The following HYCC2 variants were observed in gnomAD, a reference collection of about 807,000 sequenced individuals.
HYCC2 encodes hyccin PI4KA lipid kinase complex subunit 2.
chr2:201,015,084 A>G, the HYCC2 span, among the ~76,000 whole-genome samples: 1 of 152,168 alleles, frequency 6.6e-6, no homozygotes, highest in Admixed American at 6.6e-5. Flanking sequence ...AAAATTCACG[A>G]TTCTTTATTG....
the HYCC2 span, chr2:200,981,272 A>G: frequency 6.2e-7 from 1 of 1,612,184 alleles, no homozygotes; most frequent in Non-Finnish European, 8.5e-7. This position sits in a 1 kb window ranked among gnomAD's most constrained non-coding sequence, Gnocchi z 4.5. Context: ...TGTCAAAACT[A>G]CACCTGGGAT....
the HYCC2 span, among the ~76,000 whole-genome samples, chr2:200,986,652 A>G: frequency 6.6e-6 from 1 of 152,204 alleles, no homozygotes; most frequent in Non-Finnish European, 1.5e-5. Context: ...AGGATATCTG[A>G]CCTCTAAATA....
At chr2:201,056,205 TA>T in the HYCC2 span, among the ~76,000 whole-genome samples, 2 of 150,966 alleles carry the variant, frequency 1.3e-5, no homozygotes, top group Admixed American at 1.3e-4. Context: ...AAAAAAAAAA[TA>T]AATAAAATAA....
At chr2:201,028,937 T>G in the HYCC2 span, among the ~76,000 whole-genome samples, 47 of 151,934 alleles carry the variant, frequency 3.1e-4, no homozygotes, top group African/African-American at 1.1e-3. Flanking sequence ...CCAGGCAACA[T>G]AAGCCAAAAT....
At chr2:201,033,864 C>T in the HYCC2 span, among the ~76,000 whole-genome samples, 1 of 151,818 alleles carries the variant, frequency 6.6e-6, no homozygotes, top group African/African-American at 2.4e-5. Flanking sequence ...TAAAAAGCAA[C>T]ACAAATCTTT....
the HYCC2 span, among the ~76,000 whole-genome samples, chr2:201,052,761 AGACTCTCTGAGTTAAG>A: frequency 6.6e-6 from 1 of 152,248 alleles, no homozygotes; most frequent in Admixed American, 6.5e-5. Context: ...GAAACCTGGT[AGACTCTCTGAGTTAAG>A]GAGGCAGAGC....
chr2:201,062,629 C>A, the HYCC2 span, among the ~76,000 whole-genome samples: 1 of 146,816 alleles, frequency 6.8e-6, no homozygotes, highest in East Asian at 2.0e-4. Flanking sequence ...CCAGCCTGGG[C>A]AACAGAGCGA....
chr2:200,988,494 A>T, the HYCC2 span: 6 of 1,080,304 alleles, frequency 5.6e-6, no homozygotes, highest in Non-Finnish European at 7.9e-6. Context: ...ATGTGTCCAT[A>T]ATTTTCGAAT....
chr2:201,004,418 G>A, the HYCC2 span, among the ~76,000 whole-genome samples: 1 of 152,182 alleles, frequency 6.6e-6, no homozygotes, highest in South Asian at 2.1e-4. Flanking sequence ...GCAGAGATGG[G>A]TTGAATTTAG....
the HYCC2 span, among the ~76,000 whole-genome samples, chr2:201,025,407 G>A: frequency 6.7e-6 from 1 of 149,782 alleles, no homozygotes; most frequent in Admixed American, 6.7e-5. Flanking sequence ...TAGTGGAGGA[G>A]ACCAAACATA....
chr2:201,000,124 C>G, the HYCC2 span, among the ~76,000 whole-genome samples: 363 of 149,350 alleles, frequency 2.4e-3, 3 homozygotes, highest in African/African-American at 8.7e-3. Context: ...GAAATCCCAG[C>G]ACTTTGGGAG....
chr2:201,021,813 C>T, the HYCC2 span: 4 of 310,276 alleles, frequency 1.3e-5, no homozygotes, highest in South Asian at 1.1e-4. Context: ...AAACTCTTGA[C>T]CATATGGATA....
the HYCC2 span, chr2:200,988,424 A>G: frequency 5.0e-6 from 8 of 1,609,384 alleles, no homozygotes; most frequent in South Asian, 8.8e-5. Flanking sequence ...TTGGCAACCT[A>G]CAATGATAAT....
the HYCC2 span, chr2:200,992,875 C>T: frequency 4.1e-6 from 6 of 1,452,782 alleles, no homozygotes; most frequent in Non-Finnish European, 4.8e-6. Flanking sequence ...ATTTTATATT[C>T]CACCTACTTA....
At chr2:201,061,929 G>T in the HYCC2 span, among the ~76,000 whole-genome samples, 2 of 151,808 alleles carry the variant, frequency 1.3e-5, no homozygotes, top group Non-Finnish European at 2.9e-5. Flanking sequence ...AACAAAGCAA[G>T]ACTTCGTCTC....
chr2:201,037,543 G>C, the HYCC2 span, among the ~76,000 whole-genome samples: 202 of 152,226 alleles, frequency 1.3e-3, no homozygotes, highest in African/African-American at 4.5e-3. Flanking sequence ...CCAAAAGAGA[G>C]ATATAGACCA....
At chr2:200,993,856 G>T in the HYCC2 span, among the ~76,000 whole-genome samples, 1 of 151,846 alleles carries the variant, frequency 6.6e-6, no homozygotes. Flanking sequence ...GCATGGTGGC[G>T]GGTGCCTGTA....
At chr2:201,010,576 CA>C in the HYCC2 span, among the ~76,000 whole-genome samples, 5 of 151,744 alleles carry the variant, frequency 3.3e-5, no homozygotes, top group African/African-American at 1.2e-4. Context: ...TAAATATAAG[CA>C]AAAAAGTATA....
the HYCC2 span, among the ~76,000 whole-genome samples, chr2:201,068,252 A>G: frequency 6.6e-6 from 1 of 151,900 alleles, no homozygotes; most frequent in Admixed American, 6.6e-5. Context: ...GCGCCACTGC[A>G]CTCCAGCCAG....
Sources: gnomAD v4.1 joint callset for allele counts (sites outside exome capture counted in the v4.1 genomes callset) on GRCh38, gnomAD v4.1.1 for gene constraint, Gnocchi (gnomAD v3.1) non-coding constraint, MANE v1.5 for transcripts, NCBI Gene and HGNC (gene_info 2026-07-23, HGNC 2026-07-21) for gene names.